Variants in ZDHHC15 observed in about 807,000 individuals in gnomAD.
The protein encoded by ZDHHC15 is palmitoyltransferase ZDHHC15.
In ZDHHC15, 19 loss-of-function variants were observed where a neutral mutation model predicts 31.7. That is an observed-to-expected ratio of 0.60 (90% CI 0.42 to 0.88). The LOEUF is 0.88. ZDHHC15 is among the 40% of genes least tolerant of loss of function. The probability of loss-of-function intolerance (pLI) is 0.00; values close to 1 mark genes in which losing one functional copy is unlikely to be tolerated. For synonymous variants in ZDHHC15, 103 were observed against 90.0 expected (o/e 1.14, Z -0.82); for missense variants, 209 against 251.2 (o/e 0.83, Z 1.14).
At chrX:75,453,949 A>T (rs770059058) in intron 3 of ZDHHC15, among the ~76,000 whole-genome samples, 1 of 111,449 alleles carries the variant, frequency 9.0e-6, no homozygotes, top group East Asian at 2.8e-4. Context: ...ATGGGCAAAA[A>T]CTGGAAGCAC....
intron 3 of ZDHHC15, among the ~76,000 whole-genome samples, chrX:75,461,136 C>A (rs745760951): frequency 3.6e-5 from 4 of 111,945 alleles, no homozygotes; most frequent in Non-Finnish European, 7.5e-5. Flanking sequence ...GACAACTTTA[C>A]TATGCAATCA....
chrX:75,464,235 T>C (rs2084367744), intron 3 of ZDHHC15, among the ~76,000 whole-genome samples: 1 of 110,096 alleles, frequency 9.1e-6, no homozygotes, highest in Non-Finnish European at 1.9e-5. Context: ...AATTGAACAA[T>C]GAGTATACTT....
chrX:75,422,115 G>A, intron 8 of ZDHHC15, 125 bp from the exon 9 acceptor site: 1 of 856,062 alleles, frequency 1.2e-6, no homozygotes, highest in Non-Finnish European at 1.6e-6. Flanking sequence ...TTTTGCTGTG[G>A]TAGCACAGAC....
At chrX:75,441,244 G>C (rs1429378156) in intron 4 of ZDHHC15, among the ~76,000 whole-genome samples, 1 of 111,867 alleles carries the variant, frequency 8.9e-6, no homozygotes, top group Non-Finnish European at 1.9e-5. Flanking sequence ...AAGCTCAGCT[G>C]TGAGTTTCCT....
At chrX:75,424,592 T>A (rs996889661) in intron 8 of ZDHHC15, 60 bp downstream of exon 8, 2 of 1,091,140 alleles carry the variant, frequency 1.8e-6, no homozygotes, top group African/African-American at 3.8e-5. Context: ...TGGGAACAAT[T>A]CACAGGTCCC....
At chrX:75,461,072 T>C (rs1418801116) in intron 3 of ZDHHC15, among the ~76,000 whole-genome samples, 2 of 111,538 alleles carry the variant, frequency 1.8e-5, no homozygotes, top group African/African-American at 3.3e-5. Context: ...ATAGCCAGAA[T>C]AGCCACTTTA....
At chrX:75,415,380 A>C (rs12852502) in intron 10 of ZDHHC15, among the ~76,000 whole-genome samples, 1 of 111,311 alleles carries the variant, frequency 9.0e-6, no homozygotes, top group Non-Finnish European at 1.9e-5. Flanking sequence ...CTTAAAAAAA[A>C]CCCCTCAGCT....
intron 11 of ZDHHC15, among the ~76,000 whole-genome samples, chrX:75,377,110 T>C (rs892330100): frequency 8.9e-6 from 1 of 111,914 alleles, no homozygotes; most frequent in African/African-American, 3.2e-5. Flanking sequence ...ATCACTGTAG[T>C]AATTATCTAC....
chrX:75,392,310 A>AT (rs1434888445), intron 10 of ZDHHC15, among the ~76,000 whole-genome samples: 1 of 111,409 alleles, frequency 9.0e-6, no homozygotes, highest in Non-Finnish European at 1.9e-5. Flanking sequence ...CTCTTTTCAC[A>AT]TTTTTCTGTC....
intron 10 of ZDHHC15, among the ~76,000 whole-genome samples, chrX:75,400,875 C>A (rs975685954): frequency 9.0e-6 from 1 of 111,578 alleles, no homozygotes; most frequent in African/African-American, 3.3e-5. Context: ...CATATCCAGC[C>A]AAACTAAGCT....
chrX:75,443,334 C>T (rs2083974867), intron 4 of ZDHHC15, among the ~76,000 whole-genome samples: 1 of 111,182 alleles, frequency 9.0e-6, no homozygotes, highest in African/African-American at 3.3e-5. Context: ...ACTATCTGAT[C>T]TTTGACAAAC....
At chrX:75,440,417 C>A (rs983639859) in intron 4 of ZDHHC15, among the ~76,000 whole-genome samples, 1 of 111,025 alleles carries the variant, frequency 9.0e-6, no homozygotes, top group Non-Finnish European at 1.9e-5. Flanking sequence ...GTAGCTGGGA[C>A]TACAGGCGCC....
intron 9 of ZDHHC15, among the ~76,000 whole-genome samples, chrX:75,420,198 T>G (rs1415836941): frequency 9.0e-6 from 1 of 110,887 alleles, no homozygotes; most frequent in Non-Finnish European, 1.9e-5. Context: ...ACAAACATAT[T>G]AAAAAAAGCC....
At chrX:75,516,917 G>A (rs773346713) in intron 1 of ZDHHC15, among the ~76,000 whole-genome samples, 1 of 112,184 alleles carries the variant, frequency 8.9e-6, no homozygotes, top group South Asian at 3.7e-4. Context: ...CCATCAAAAA[G>A]TGGGCAAAGG....
chrX:75,444,683 T>TAAAC (rs1261727278), intron 4 of ZDHHC15, among the ~76,000 whole-genome samples: 1 of 34,559 alleles, frequency 2.9e-5, no homozygotes. Flanking sequence ...TATATATATA[T>TAAAC]ATATACACAC....
intron 10 of ZDHHC15, among the ~76,000 whole-genome samples, chrX:75,399,102 C>T (rs766886490): frequency 1.8e-5 from 2 of 111,361 alleles, no homozygotes; most frequent in African/African-American, 3.3e-5. Flanking sequence ...CTGGAGTAGG[C>T]CCCAAGCATA....
chrX:75,399,267 C>A (rs1468946893), intron 10 of ZDHHC15, among the ~76,000 whole-genome samples: 1 of 111,744 alleles, frequency 8.9e-6, no homozygotes, highest in African/African-American at 3.3e-5. Context: ...GACAGAGCCT[C>A]CAGGGGCAAC....
intron 3 of ZDHHC15, among the ~76,000 whole-genome samples, chrX:75,464,922 C>T (rs760254321): frequency 6.3e-4 from 71 of 111,921 alleles, no homozygotes; most frequent in Non-Finnish European, 1.1e-3. Context: ...TCTCACCACT[C>T]CTATTCAACA....
intron 4 of ZDHHC15, among the ~76,000 whole-genome samples, chrX:75,449,551 A>G (rs186042332): frequency 8.9e-6 from 1 of 111,939 alleles, no homozygotes; most frequent in African/African-American, 3.2e-5. Flanking sequence ...ACTTCAAACC[A>G]TAAATATTTC....
Sources: allele counts gnomAD v4.1 joint callset (sites outside exome capture counted in the v4.1 genomes callset), GRCh38; gene constraint gnomAD v4.1.1; transcripts MANE v1.5; gene names NCBI Gene and HGNC (gene_info 2026-07-23, HGNC 2026-07-21).